PHLPP1: variants seen among roughly 807,000 people sequenced by gnomAD.
PHLPP1 encodes PH domain and leucine rich repeat protein phosphatase 1, also known as PH domain leucine-rich repeat-containing protein phosphatase 1.
PHLPP1 carries 42 observed loss-of-function variants against 117.2 expected under a neutral mutation model. The observed-to-expected ratio is 0.36, with a 90% CI of 0.28 to 0.46. The LOEUF (loss-of-function observed/expected upper bound fraction) is 0.46. Ranked by LOEUF, PHLPP1 falls within the 20% of genes least tolerant of loss-of-function variation. The probability of loss-of-function intolerance (pLI) is 1.00; values close to 1 mark genes in which losing one functional copy is unlikely to be tolerated. For missense variants in PHLPP1, 2,084 were observed against 2,241.9 expected (o/e 0.93, Z 1.42); for synonymous variants, 1,042 against 970.7 (o/e 1.07, Z -1.37).
chr18:62,852,079 T>G (rs1436469867), intron 3 of PHLPP1, among the ~76,000 whole-genome samples: 1 of 151,428 alleles, frequency 6.6e-6, no homozygotes, highest in African/African-American at 2.4e-5. Context: ...GGGGTCTTGC[T>G]GTGTTGTCTG....
intron 1 of PHLPP1, among the ~76,000 whole-genome samples, chr18:62,721,684 T>TACA (rs1910924726): frequency 6.6e-6 from 1 of 152,172 alleles, no homozygotes; most frequent in African/African-American, 2.4e-5. Flanking sequence ...TAAATTCGTG[T>TACA]GTCTTTTGTA....
chr18:62,835,389 A>G (rs1447649284), intron 2 of PHLPP1, among the ~76,000 whole-genome samples: 1 of 151,886 alleles, frequency 6.6e-6, no homozygotes. Flanking sequence ...TTTTTAGTAG[A>G]GACTGGGTTT....
chr18:62,836,469 AAATAAATAAATAAAT>A (rs1274995448), intron 2 of PHLPP1, among the ~76,000 whole-genome samples: 2 of 148,316 alleles, frequency 1.3e-5, no homozygotes, highest in African/African-American at 2.5e-5. Context: ...ATAAATAAAT[AAATAAATAAATAAAT>A]AAAAATAAAT....
intron 3 of PHLPP1, among the ~76,000 whole-genome samples, chr18:62,843,474 T>G (rs1289774512): frequency 3.3e-5 from 5 of 152,244 alleles, no homozygotes; most frequent in Non-Finnish European, 5.9e-5. Context: ...AGTTTATTAA[T>G]CAGATGTGTT....
intron 1 of PHLPP1, among the ~76,000 whole-genome samples, chr18:62,726,326 T>G (rs935557921): frequency 6.6e-6 from 1 of 151,994 alleles, no homozygotes; most frequent in Non-Finnish European, 1.5e-5. Context: ...GCCTGCTTTT[T>G]TTTTTTGGGG....
chr18:62,913,120 C>T (rs538109536), intron 8 of PHLPP1, among the ~76,000 whole-genome samples: 1 of 152,316 alleles, frequency 6.6e-6, no homozygotes, highest in African/African-American at 2.4e-5. Flanking sequence ...CTATAACACA[C>T]TACCTCATCC....
chr18:62,854,511 A>G (rs1004073358), intron 3 of PHLPP1, among the ~76,000 whole-genome samples: 1 of 152,146 alleles, frequency 6.6e-6, no homozygotes. Context: ...ACTGTCTCTG[A>G]CCACCTTGTC....
intron 12 of PHLPP1, among the ~76,000 whole-genome samples, chr18:62,949,469 T>A (rs976349991): frequency 6.6e-6 from 1 of 152,238 alleles, no homozygotes; most frequent in Non-Finnish European, 1.5e-5. Context: ...TTTGATAATA[T>A]CTAATGAGAT....
intron 4 of PHLPP1, among the ~76,000 whole-genome samples, chr18:62,890,970 C>A (rs1369510749): frequency 6.6e-6 from 1 of 152,128 alleles, no homozygotes; most frequent in African/African-American, 2.4e-5. Flanking sequence ...GCAGTTTCAT[C>A]TGTGATGCCT....
chr18:62,842,368 CTT>C (rs529477497), intron 3 of PHLPP1, among the ~76,000 whole-genome samples: 3 of 143,282 alleles, frequency 2.1e-5, no homozygotes, highest in Admixed American at 7.0e-5. Context: ...TAAATGCAGA[CTT>C]TTTTTTTTTT....
chr18:62,798,803 C>T (rs1034109999), intron 1 of PHLPP1, among the ~76,000 whole-genome samples: 2 of 152,018 alleles, frequency 1.3e-5, no homozygotes, highest in African/African-American at 4.8e-5. Context: ...CTGTAAGAGC[C>T]AGAAAGGTCC....
At chr18:62,853,358 T>C (rs558350315) in intron 3 of PHLPP1, among the ~76,000 whole-genome samples, 4 of 152,092 alleles carry the variant, frequency 2.6e-5, no homozygotes, top group African/African-American at 4.8e-5. Flanking sequence ...TTTTCTTTTT[T>C]TTTTTTGTTC....
chr18:62,916,882 T>C (rs1006269007), intron 9 of PHLPP1, among the ~76,000 whole-genome samples: 48 of 149,062 alleles, frequency 3.2e-4, no homozygotes, highest in Non-Finnish European at 5.8e-4. Context: ...GCCTCCCGAG[T>C]AGCTGGGACT....
chr18:62,962,631 A>G (rs1275519310), intron 13 of PHLPP1, among the ~76,000 whole-genome samples: 1 of 152,268 alleles, frequency 6.6e-6, no homozygotes, highest in Non-Finnish European at 1.5e-5. Context: ...AAGAAATGCT[A>G]TTTGAGAATT....
intron 1 of PHLPP1, among the ~76,000 whole-genome samples, chr18:62,823,786 C>G (rs1417361988): frequency 2.6e-5 from 4 of 151,968 alleles, no homozygotes; most frequent in African/African-American, 9.7e-5. Flanking sequence ...TAGGGGAATG[C>G]AACTTAAAAC....
intron 1 of PHLPP1, among the ~76,000 whole-genome samples, chr18:62,758,460 G>A (rs575113516): frequency 6.6e-6 from 1 of 152,136 alleles, no homozygotes; most frequent in South Asian, 2.1e-4. Context: ...TCCTTACTCC[G>A]TTTCTTTAGA....
At chr18:62,898,167 A>G (rs1201501143) in intron 6 of PHLPP1, among the ~76,000 whole-genome samples, 1 of 152,014 alleles carries the variant, frequency 6.6e-6, no homozygotes, top group East Asian at 1.9e-4. Context: ...GTCTTTCCCT[A>G]TTCCTTCTTT....
At chr18:62,890,529 G>A (rs964779550) in intron 4 of PHLPP1, among the ~76,000 whole-genome samples, 18 of 152,164 alleles carry the variant, frequency 1.2e-4, no homozygotes, top group Non-Finnish European at 4.4e-5. Context: ...GCCTCCCAAA[G>A]TGCTGGGATT....
At position 62,902,961 on chromosome 18, in the gene PHLPP1, A is replaced by G; in HGVS notation, c.2445-3A>G. On this transcript the variant is annotated splice_region_variant and splice_polypyrimidine_tract_variant and intron_variant, in intron 6 of 16. Transcript: ENST00000262719. ...TATAGTCTCTATGTCCTTTGCCCTC[A>G]AGGTTGAACGTAATTAGGAAGCTGA... 3 of 1,601,180 alleles carry G rather than the reference A, an allele frequency of 1.9e-6. No individual in the cohort carries two copies. The highest frequency in any genetic ancestry group is 2.6e-6 in the Non-Finnish European group (3 of 1,171,788).
Sources: allele counts gnomAD v4.1 joint callset (sites outside exome capture counted in the v4.1 genomes callset), GRCh38; gene constraint gnomAD v4.1.1; transcripts MANE v1.5; gene names NCBI Gene and HGNC (gene_info 2026-07-23, HGNC 2026-07-21).